The following SCFD2 variants were observed in gnomAD, a reference collection of about 807,000 sequenced individuals.
SCFD2 encodes sec1 family domain containing 2, also known as sec1 family domain-containing protein 2.
A neutral mutation model predicts 58.9 loss-of-function variants in SCFD2; 54 were observed. The ratio of observed to expected loss-of-function variants is 0.92; its 90% CI spans 0.74 to 1.15. The LOEUF (loss-of-function observed/expected upper bound fraction) is 1.15. SCFD2 is among the 50% of genes most tolerant of loss of function. The pLI is 0.00. For missense variants in SCFD2, 805 were observed against 836.6 expected, an observed-to-expected ratio of 0.96 and a Z score of 0.47; for synonymous variants, 321 against 335.9, an observed-to-expected ratio of 0.96 and a Z score of 0.49.
intron 4 of SCFD2, among the ~76,000 whole-genome samples, chr4:53,236,544 T>A (rs184961242): frequency 6.7e-6 from 1 of 150,302 alleles, no homozygotes; most frequent in East Asian, 1.9e-4. Context: ...TTGTTTTAAA[T>A]GGTGCTTCTT....
chr4:53,178,975 A>C (rs759663606), intron 4 of SCFD2, among the ~76,000 whole-genome samples: 2 of 152,236 alleles, frequency 1.3e-5, no homozygotes, highest in Non-Finnish European at 2.9e-5. Flanking sequence ...AAAGGAACAA[A>C]GCCTCTAAGA....
At chr4:53,352,423 G>C (rs1393073333) in intron 2 of SCFD2, among the ~76,000 whole-genome samples, 175 bp downstream of exon 2, 7 of 152,182 alleles carry the variant, frequency 4.6e-5, no homozygotes, top group Non-Finnish European at 1.5e-5. Context: ...ATTATGTTTA[G>C]TGGATGTGGT....
chr4:53,087,755 G>A (rs569146960), intron 5 of SCFD2, among the ~76,000 whole-genome samples: 10 of 150,112 alleles, frequency 6.7e-5, no homozygotes, highest in African/African-American at 2.2e-4. Context: ...TGCCTCCCAG[G>A]TTTCAAGCGA....
intron 3 of SCFD2, among the ~76,000 whole-genome samples, 190 bp downstream of exon 3, chr4:53,313,446 G>A (rs1463102541): frequency 6.6e-6 from 1 of 152,202 alleles, no homozygotes; most frequent in Non-Finnish European, 1.5e-5. Flanking sequence ...TCCCAAAGCT[G>A]AGTCTAAGAA....
chr4:53,007,335 G>GAGAGGGA (rs1560508028), intron 5 of SCFD2, among the ~76,000 whole-genome samples: 1 of 39,222 alleles, frequency 2.5e-5, no homozygotes, highest in African/African-American at 1.1e-4. Context: ...AGAGAGAGAG[G>GAGAGGGA]GAGAGAGAGA....
chr4:53,343,143 C>A lies in SCFD2; in HGVS notation c.1007+9455G>T, dbSNP rs564832867. On this transcript the variant is annotated intron_variant, in intron 2 of 8. Transcript: ENST00000401642. ...CTGAAGGAGACAGAGACACAAAAAA[C>A]CCATCAAAAAAATCAACGAATCCAG... 3.3e-5 allele frequency among the ~76,000 whole-genome samples: 5 copies of A among 151,430 alleles called. No individual in the cohort carries two copies. The South Asian group carries it at 6.2e-4, about 19-fold the overall frequency.
chr4:53,198,499 A>T (rs1728126196), intron 4 of SCFD2, among the ~76,000 whole-genome samples: 1 of 152,142 alleles, frequency 6.6e-6, no homozygotes, highest in Non-Finnish European at 1.5e-5. Context: ...TATCATATGA[A>T]GCCAGCAATT....
intron 4 of SCFD2, among the ~76,000 whole-genome samples, chr4:53,218,577 A>G (rs1294532310): frequency 6.6e-6 from 1 of 152,150 alleles, no homozygotes; most frequent in African/African-American, 2.4e-5. Flanking sequence ...CTTCTTTGCG[A>G]TGGGTTTGCA....
At chr4:53,277,343 C>T (rs1252875382) in intron 3 of SCFD2, among the ~76,000 whole-genome samples, 2 of 152,188 alleles carry the variant, frequency 1.3e-5, no homozygotes, top group African/African-American at 2.4e-5. Context: ...GGTTTCAAAA[C>T]TTAAGATTGC....
chr4:53,214,312 A>T (rs111844534), intron 4 of SCFD2, among the ~76,000 whole-genome samples: 2,507 of 150,482 alleles, frequency 0.017, 44 homozygotes, highest in Non-Finnish European at 0.024. Flanking sequence ...TCCTCCCAGC[A>T]CCTATTGTTT....
chr4:53,225,705 TG>T (rs1448537365), intron 4 of SCFD2, among the ~76,000 whole-genome samples: 1 of 152,240 alleles, frequency 6.6e-6, no homozygotes, highest in East Asian at 1.9e-4. Flanking sequence ...CCCTCTAGTT[TG>T]CAAATGAGGA....
chr4:53,230,042 T>A (rs1419797270), intron 4 of SCFD2, among the ~76,000 whole-genome samples: 1 of 152,192 alleles, frequency 6.6e-6, no homozygotes, highest in East Asian at 1.9e-4. Context: ...CCACTGGCCA[T>A]CAGAGAATGC....
intron 5 of SCFD2, among the ~76,000 whole-genome samples, chr4:53,066,405 C>T (rs1371537733): frequency 6.6e-6 from 1 of 152,032 alleles, no homozygotes; most frequent in African/African-American, 2.4e-5. Context: ...AGCCACTTAG[C>T]AATCAAAATC....
chr4:52,958,157 A>T (rs567534816), intron 5 of SCFD2: 2 of 152,234 alleles, frequency 1.3e-5, no homozygotes, highest in African/African-American at 2.4e-5. Context: ...GGTTATTCTT[A>T]TTCCCCAAGG....
At chr4:53,334,839 T>C (rs1394468498) in intron 2 of SCFD2, among the ~76,000 whole-genome samples, 1 of 152,206 alleles carries the variant, frequency 6.6e-6, no homozygotes, top group East Asian at 1.9e-4. Flanking sequence ...GCCTTCTTTA[T>C]TCAAGTGATC....
At chr4:53,047,108 A>T (rs184699572) in intron 5 of SCFD2, among the ~76,000 whole-genome samples, 1 of 152,348 alleles carries the variant, frequency 6.6e-6, no homozygotes, top group Admixed American at 6.5e-5. Flanking sequence ...TCATAGATTT[A>T]AAAAACACAA....
At chr4:53,182,026 T>G (rs966560719) in intron 4 of SCFD2, among the ~76,000 whole-genome samples, 14 of 152,120 alleles carry the variant, frequency 9.2e-5, no homozygotes, top group Non-Finnish European at 1.5e-4. Context: ...TGGAAGAACA[T>G]CCCATGCTCA....
At chr4:52,974,897 C>T (rs1721209671) in intron 5 of SCFD2, among the ~76,000 whole-genome samples, 1 of 152,070 alleles carries the variant, frequency 6.6e-6, no homozygotes, top group Non-Finnish European at 1.5e-5. Flanking sequence ...TTTGACAAAC[C>T]TGACAAAAAC....
rs1217234519 is a variant in SCFD2 at position 53,268,511 on chromosome 4, T to C, written c.1311+5315A>G. ...AACATCCCAGGATGCGGTGTAGGAC[T>C]CTGAGCGGGGTGGTGAGGGCAGCTA... is the stretch of plus-strand genomic sequence containing the variant. On this transcript the variant is annotated intron_variant, in intron 4 of 8. Coordinates refer to ENST00000401642, the MANE Select transcript of SCFD2 (RefSeq NM_152540.4). Among the ~76,000 whole-genome samples, 5 of 152,040 alleles carry C rather than the reference T, an allele frequency of 3.3e-5. No individual in the cohort carries two copies. The East Asian group carries it at 9.7e-4, about 29-fold the overall frequency.
Sources: allele counts gnomAD v4.1 joint callset (sites outside exome capture counted in the v4.1 genomes callset), GRCh38; gene constraint gnomAD v4.1.1; transcripts MANE v1.5; gene names NCBI Gene and HGNC (gene_info 2026-07-23, HGNC 2026-07-21).